The following PPP1R3A variants were observed in gnomAD, a reference collection of about 807,000 sequenced individuals.
PPP1R3A encodes the protein RG1.
In PPP1R3A, 29 loss-of-function variants were observed where a neutral mutation model predicts 41.7. That is an observed-to-expected ratio of 0.70 (90% CI 0.52 to 0.95). PPP1R3A has a LOEUF of 0.95. Among genes scored for constraint, PPP1R3A ranks in the 40% least tolerant of loss-of-function variants. The pLI, the probability that PPP1R3A is intolerant of heterozygous loss-of-function variation, is 0.00. For synonymous variants in PPP1R3A, 485 were observed against 453.4 expected (o/e 1.07, Z -0.89); for missense variants, 1,352 against 1,292.4 (o/e 1.05, Z -0.71).
Position 113,878,521 on chromosome 7 carries a change from T to G in PPP1R3A, c.2571A>C (p.Lys857Asn). The change falls in exon 4 of 4, where the codon AAA becomes AAC. Residue 857 changes from lysine (K) to asparagine (N), a missense_variant. By Grantham distance (94) the Lys-to-Asn change is moderately conservative (BLOSUM62 0). Coordinates refer to ENST00000284601, the MANE Select transcript of PPP1R3A (RefSeq NM_002711.4). ...ESSWVITEYQ[K>N]ATSKLDLQLG... Reference sequence around the variant, plus strand: ...ACTGTAAATCCAGTTTTGAAGTTGCTTTTTGATATTCTGTAATGACCCATG... The same window carrying G: ...ACTGTAAATCCAGTTTTGAAGTTGCGTTTTGATATTCTGTAATGACCCATG... The G allele has an allele frequency of 1.2e-6, 2 of 1,613,506 alleles. No homozygotes were observed. Among genetic ancestry groups the G allele is most frequent in the Non-Finnish European group, 8.5e-7 (1 of 1,179,692 alleles).
Position 113,879,002 on chromosome 7 carries a change from G to C in PPP1R3A, c.2090C>G (p.Ala697Gly), listed in dbSNP as rs371292320. The change falls in exon 4 of 4, where the codon GCT becomes GGT. Residue 697 changes from alanine (A) to glycine (G), a missense_variant. By Grantham distance (60) the Ala-to-Gly change is moderately conservative (BLOSUM62 0). Coordinates refer to ENST00000284601, the MANE Select transcript of PPP1R3A (RefSeq NM_002711.4). ...GKRDNTRSLK[A>G]TTEELFTCQE... The stretch of plus-strand genomic sequence containing the variant: ...GCAGGTAAACAATTCTTCTGTAGTA[G>C]CTTTCAAACTCCTCGTATTATCTCT... The C allele has an allele frequency of 2.6e-5, 42 of 1,613,430 alleles. No homozygotes were observed. In the East Asian group the frequency reaches 7.1e-4, roughly 27 times the overall value.
rs199663551 is a variant in PPP1R3A at position 113,880,086 on chromosome 7, T to C, written c.1006A>G (p.Arg336Gly). The change falls in exon 4 of 4, where the codon AGA becomes GGA. Residue 336 changes from arginine to glycine, a missense_variant. Transcript: ENST00000284601. Reference protein sequence around the residue: ...HLIRTRSTASRDERNTFSTDP... With the variant: ...HLIRTRSTASGDERNTFSTDP... ...GTTGAAAATGTATTCCTTTCATCTCTGGAAGCAGTACTTCTGGTTCTTATT... is the reference window on the plus strand; with the variant it reads ...GTTGAAAATGTATTCCTTTCATCTCCGGAAGCAGTACTTCTGGTTCTTATT... The C allele has an allele frequency of 1.4e-5, 22 of 1,606,868 alleles. No homozygotes were observed. The highest frequency in any genetic ancestry group is 8.5e-7 in the Non-Finnish European group (1 of 1,174,032).
At chr7:113,901,678 C>A (rs1167293054) in intron 1 of PPP1R3A, among the ~76,000 whole-genome samples, 1 of 151,690 alleles carries the variant, frequency 6.6e-6, no homozygotes, top group Non-Finnish European at 1.5e-5. Context: ...GCAAACTGGT[C>A]CAGGGTTAGC....
At chr7:113,887,837 C>G (rs955882281) in intron 1 of PPP1R3A, among the ~76,000 whole-genome samples, 35 of 152,200 alleles carry the variant, frequency 2.3e-4, no homozygotes, top group Middle Eastern at 3.4e-3. Context: ...TGAGACCAGC[C>G]TGGCCAACAT....
intron 1 of PPP1R3A, among the ~76,000 whole-genome samples, chr7:113,892,986 C>G (rs1040352696): frequency 6.6e-6 from 1 of 151,942 alleles, no homozygotes; most frequent in African/African-American, 2.4e-5. Context: ...TAGAAGGCCA[C>G]AAATACAATA....
Position 113,877,688 on chromosome 7 carries a change from A to C in PPP1R3A, c.*35T>G. On this transcript the variant is annotated 3_prime_UTR_variant, in exon 4 of 4. Coordinates refer to ENST00000284601, the MANE Select transcript of PPP1R3A (RefSeq NM_002711.4). ...CCAATCCAAATGTTTGGGGTTAAAT[A>C]GCTTATCTTTTAAGAGAGAATAGTA... The C allele has an allele frequency of 6.6e-7, 1 of 1,514,128 alleles. No individual in the cohort carries two copies. The highest frequency in any genetic ancestry group is 8.8e-7 in the Non-Finnish European group (1 of 1,132,572). The allele number at this position is 1,514,128 out of a possible 1,614,324, so 93.8% of individuals were successfully genotyped here. A position where few individuals can be genotyped will look rare whatever the true frequency, so the allele number is the denominator to read the frequency against.
intron 1 of PPP1R3A, among the ~76,000 whole-genome samples, chr7:113,882,963 T>C (rs1227257152): frequency 3.0e-4 from 46 of 152,060 alleles, no homozygotes; most frequent in Admixed American, 3.0e-3. Flanking sequence ...CTTTGGATCA[T>C]TTATATGCAA....
intron 1 of PPP1R3A, among the ~76,000 whole-genome samples, chr7:113,889,112 G>T (rs1438088609): frequency 6.6e-6 from 1 of 152,120 alleles, no homozygotes; most frequent in African/African-American, 2.4e-5. Context: ...TTCCTAAAAT[G>T]ATTTTGATGA....
chr7:113,905,252 T>C (rs1281478440), intron 1 of PPP1R3A, among the ~76,000 whole-genome samples: 1 of 151,782 alleles, frequency 6.6e-6, no homozygotes, highest in Non-Finnish European at 1.5e-5. Flanking sequence ...ATTCTTGTCA[T>C]AAAAATATTA....
chr7:113,883,635 G>A (rs1796733412), intron 1 of PPP1R3A, among the ~76,000 whole-genome samples: 1 of 151,822 alleles, frequency 6.6e-6, no homozygotes, highest in Non-Finnish European at 1.5e-5. Flanking sequence ...ATTATGCCAA[G>A]GTTTATTTTT....
intron 1 of PPP1R3A, among the ~76,000 whole-genome samples, chr7:113,902,619 T>G (rs1238983740): frequency 1.3e-5 from 2 of 151,840 alleles, no homozygotes; most frequent in East Asian, 3.9e-4. Flanking sequence ...TTAGAGAATT[T>G]GTACTGGTGG....
chr7:113,892,261 G>T (rs1796904445), intron 1 of PPP1R3A, among the ~76,000 whole-genome samples: 1 of 152,034 alleles, frequency 6.6e-6, no homozygotes, highest in Non-Finnish European at 1.5e-5. Context: ...CCTCCTTTGA[G>T]ATTTTTTAAA....
chr7:113,880,989 A>C (rs1796683644), intron 3 of PPP1R3A, among the ~76,000 whole-genome samples: 1 of 152,054 alleles, frequency 6.6e-6, no homozygotes. Flanking sequence ...AGTAACTTCT[A>C]AACAAACTTT....
rs1241129739 is a variant in PPP1R3A, at chr7:113,879,558, C to T, written c.1534G>A (p.Gly512Ser). 1 of 1,612,912 alleles carries T rather than the reference C, an allele frequency of 6.2e-7. No individual in the cohort carries two copies. Among genetic ancestry groups the T allele is most frequent in the Non-Finnish European group, 8.5e-7 (1 of 1,179,386 alleles). The change falls in exon 4 of 4, where the codon GGC (glycine) becomes AGC (serine). Residue 512 changes from glycine (G) to serine (S), a missense_variant. Transcript: ENST00000284601. Reference protein sequence around the residue: ...EEGSSKEDYYGNGKDDEEQRI... With the variant: ...EEGSSKEDYYSNGKDDEEQRI... ...TGTTCTTCATCATCCTTACCATTGCCATAATAATCTTCCTTAGAAGATCCT... is the reference window on the plus strand; with the variant it reads ...TGTTCTTCATCATCCTTACCATTGCTATAATAATCTTCCTTAGAAGATCCT...
At chr7:113,884,548 A>G (rs1206989924) in intron 1 of PPP1R3A, among the ~76,000 whole-genome samples, 1 of 152,068 alleles carries the variant, frequency 6.6e-6, no homozygotes, top group Non-Finnish European at 1.5e-5. Context: ...GTTGAGAGAG[A>G]GAAAATGGCT....
chr7:113,878,336 T>C lies in PPP1R3A; in HGVS notation c.2756A>G (p.His919Arg), dbSNP rs976744379. ...AGTTGACACTGAAATTTCAGTATGA[T>C]GTTTGGAAAAAGGAGAGCTATTCTG... ...APQNSSPFSK[H>R]HTEISVSTNE... Residue 919 changes from histidine to arginine, a missense_variant, in exon 4 of 4, where the codon CAT (histidine) becomes CGT (arginine). By Grantham distance (29) the His-to-Arg change is conservative. Transcript: ENST00000284601. 9.3e-6 allele frequency: 15 copies of C among 1,612,890 alleles called. No homozygotes were observed. In the South Asian group the frequency reaches 1.6e-4, roughly 18 times the overall value.
chr7:113,905,794 T>A (rs1183022315), intron 1 of PPP1R3A, among the ~76,000 whole-genome samples: 1 of 151,810 alleles, frequency 6.6e-6, no homozygotes, highest in Non-Finnish European at 1.5e-5. Context: ...GAGGACCACA[T>A]AAGCGTCAGC....
At chr7:113,881,266 T>G (rs1415478099) in intron 3 of PPP1R3A, among the ~76,000 whole-genome samples, 1 of 152,116 alleles carries the variant, frequency 6.6e-6, no homozygotes, top group African/African-American at 2.4e-5. Flanking sequence ...GTTTCAGCAC[T>G]GACACTTGAA....
intron 1 of PPP1R3A, among the ~76,000 whole-genome samples, chr7:113,898,315 A>G (rs1388063512): frequency 2.6e-5 from 4 of 151,794 alleles, no homozygotes; most frequent in Non-Finnish European, 4.4e-5. Flanking sequence ...TAATAAGAGA[A>G]CTAAGTCAAA....
Sources: gnomAD v4.1 joint callset for allele counts (sites outside exome capture counted in the v4.1 genomes callset) on GRCh38, gnomAD v4.1.1 for gene constraint, MANE v1.5 for transcripts, NCBI Gene and HGNC (gene_info 2026-07-23, HGNC 2026-07-21) for gene names.